PLCXD3: variants seen among roughly 807,000 people sequenced by gnomAD.
The protein encoded by PLCXD3 is phosphatidylinositol specific phospholipase C X domain containing 3.
Under a neutral mutation model 25.5 loss-of-function variants are expected in PLCXD3, and 19 were observed. The ratio of observed to expected loss-of-function variants is 0.75; its 90% confidence interval spans 0.52 to 1.09. The LOEUF is 1.09. PLCXD3 is among the 50% of genes least tolerant of loss of function. The pLI, the probability that PLCXD3 is intolerant of heterozygous loss-of-function variation, is 0.00. For missense variants in PLCXD3, 411 were observed against 388.1 expected, an observed-to-expected ratio of 1.06 and a Z score of -0.50; for synonymous variants, 174 against 137.6, an observed-to-expected ratio of 1.26 and a Z score of -1.85.
intron 2 of PLCXD3, among the ~76,000 whole-genome samples, chr5:41,366,190 C>A (rs916868918): frequency 6.6e-6 from 1 of 151,992 alleles, no homozygotes; most frequent in Non-Finnish European, 1.5e-5. Context: ...AACATGCGCC[C>A]CACCTCAATT....
chr5:41,432,340 T>C (rs1406926604), intron 1 of PLCXD3, among the ~76,000 whole-genome samples: 2 of 152,228 alleles, frequency 1.3e-5, no homozygotes, highest in African/African-American at 4.8e-5. Context: ...GGTAAGTTTA[T>C]CGAAGCTTTA....
At chr5:41,422,200 T>G (rs754918564) in intron 1 of PLCXD3, among the ~76,000 whole-genome samples, 9 of 152,230 alleles carry the variant, frequency 5.9e-5, no homozygotes, top group Non-Finnish European at 1.0e-4. Context: ...CAGCTTGCTC[T>G]TTCCTATAAA....
Position 41,382,350 on chromosome 5 carries a change from A to G in PLCXD3, c.288T>C (p.Asp96=). 1 of 1,613,520 alleles carries G rather than the reference A, an allele frequency of 6.2e-7. No homozygotes were observed. Among genetic ancestry groups the G allele is most frequent in the Non-Finnish European group, 8.5e-7 (1 of 1,179,722 alleles). ...GQLGAGIRYF[D]LRISTKPRDP... ...CTCTGGGCTTGGTGGAAATTCGAAG[A>G]TCAAAATAACGAATTCCAGCTCCTA... The change falls in exon 2 of 3, where the codon GAT becomes GAC. Residue 96 remains aspartate (D), a synonymous_variant. Transcript: ENST00000377801.
At chr5:41,423,422 T>C (rs1746875731) in intron 1 of PLCXD3, among the ~76,000 whole-genome samples, 1 of 152,134 alleles carries the variant, frequency 6.6e-6, no homozygotes, top group Non-Finnish European at 1.5e-5. Context: ...TGGCACAAAG[T>C]AGTTCATGGA....
chr5:41,447,903 A>C (rs1421599972), intron 1 of PLCXD3, among the ~76,000 whole-genome samples: 7 of 152,232 alleles, frequency 4.6e-5, no homozygotes, highest in Non-Finnish European at 1.0e-4. Flanking sequence ...TGTGCTGTGA[A>C]TAAATTAAAT....
chr5:41,403,203 A>T (rs1448555145), intron 1 of PLCXD3, among the ~76,000 whole-genome samples: 1 of 151,712 alleles, frequency 6.6e-6, no homozygotes, highest in East Asian at 1.9e-4. Flanking sequence ...ATGATATAAA[A>T]TGCATTTCTA....
chr5:41,370,438 C>A (rs1238132584), intron 2 of PLCXD3, among the ~76,000 whole-genome samples: 3 of 152,132 alleles, frequency 2.0e-5, no homozygotes, highest in Non-Finnish European at 2.9e-5. Context: ...TAGAAAACAT[C>A]ATTTTATCAA....
chr5:41,495,473 C>A (rs919602167), intron 1 of PLCXD3, among the ~76,000 whole-genome samples: 1 of 152,006 alleles, frequency 6.6e-6, no homozygotes, highest in African/African-American at 2.4e-5. Context: ...GATGGGATAC[C>A]CAAGGGGTTA....
intron 2 of PLCXD3, among the ~76,000 whole-genome samples, chr5:41,365,763 A>AT (rs899493490): frequency 2.0e-5 from 3 of 151,808 alleles, no homozygotes; most frequent in Non-Finnish European, 2.9e-5. Context: ...CCCCACCTCA[A>AT]TTTTTTTTAG....
chr5:41,357,709 C>A (rs562883211), intron 2 of PLCXD3, among the ~76,000 whole-genome samples: 1 of 152,066 alleles, frequency 6.6e-6, no homozygotes, highest in Non-Finnish European at 1.5e-5. Flanking sequence ...ATTACAGAAT[C>A]GCTACAATAG....
chr5:41,382,164 C>G lies in PLCXD3; in HGVS notation c.474G>C (p.Leu158=), dbSNP rs370056277. The G allele has an allele frequency of 6.2e-7, 1 of 1,613,656 alleles. No individual in the cohort carries two copies. Among genetic ancestry groups the G allele is most frequent in the Non-Finnish European group, 8.5e-7 (1 of 1,179,778 alleles). The part of the protein sequence containing the change: ...YGMQKYHHEK[L]VQMLKDIYGN... ...CATAGATGTCTTTCAGCATTTGGAC[C>G]AGTTTTTCATGGTGATATTTCTGCA... Residue 158 remains leucine (L), a synonymous_variant, in exon 2 of 3, where the codon CTG becomes CTC. Coordinates refer to ENST00000377801, the MANE Select transcript of PLCXD3 (RefSeq NM_001005473.3).
chr5:41,428,394 G>T (rs13181347), intron 1 of PLCXD3, among the ~76,000 whole-genome samples: 114,598 of 135,450 alleles, frequency 0.85, 48,891 homozygotes, highest in Middle Eastern at 0.89. Context: ...TTTTGTTTTT[G>T]TTTTTTTTAG....
At chr5:41,337,991 C>T (rs7723649) in intron 2 of PLCXD3, among the ~76,000 whole-genome samples, 12,500 of 152,064 alleles carry the variant, frequency 0.082, 813 homozygotes, top group East Asian at 0.35. Context: ...AAGCAAATTC[C>T]TAGGAACTTA....
chr5:41,468,509 C>T (rs1748076835), intron 1 of PLCXD3, among the ~76,000 whole-genome samples: 1 of 152,132 alleles, frequency 6.6e-6, no homozygotes, highest in Non-Finnish European at 1.5e-5. Context: ...TTCATGAACA[C>T]AGGAGATCTC....
intron 2 of PLCXD3, among the ~76,000 whole-genome samples, chr5:41,318,084 T>G (rs773949466): frequency 1.4e-4 from 22 of 152,102 alleles, no homozygotes; most frequent in Non-Finnish European, 3.1e-4. Flanking sequence ...GAGTGGGATG[T>G]CTGGCAAAAA....
At chr5:41,366,598 A>G (rs1440537542) in intron 2 of PLCXD3, among the ~76,000 whole-genome samples, 1 of 152,218 alleles carries the variant, frequency 6.6e-6, no homozygotes, top group African/African-American at 2.4e-5. Flanking sequence ...ATGCATCCAC[A>G]CACACATGCA....
intron 1 of PLCXD3, among the ~76,000 whole-genome samples, chr5:41,445,708 A>T (rs1747478721): frequency 6.6e-6 from 1 of 152,186 alleles, no homozygotes; most frequent in Non-Finnish European, 1.5e-5. Flanking sequence ...CAGAACAATC[A>T]GGAATTTCGA....
intron 1 of PLCXD3, chr5:41,456,430 T>A (rs993304191): frequency 4.2e-6 from 2 of 470,596 alleles, no homozygotes; most frequent in Non-Finnish European, 5.5e-6. Flanking sequence ...AATGGCTAAC[T>A]TTTTTCTAAA....
At chr5:41,460,691 C>A (rs778675613) in intron 1 of PLCXD3, among the ~76,000 whole-genome samples, 2 of 151,906 alleles carry the variant, frequency 1.3e-5, no homozygotes, top group African/African-American at 2.4e-5. Context: ...CTTTTTACAA[C>A]GTCATTATGA....
Sources: gnomAD v4.1 joint callset for allele counts (sites outside exome capture counted in the v4.1 genomes callset) on GRCh38, gnomAD v4.1.1 for gene constraint, MANE v1.5 for transcripts, NCBI Gene and HGNC (gene_info 2026-07-23, HGNC 2026-07-21) for gene names.